Variants in SYNE3 observed in about 807,000 individuals in gnomAD.
The protein encoded by SYNE3 is spectrin repeat containing nuclear envelope family member 3, also known as nesprin-3.
Under a neutral mutation model 111.2 loss-of-function variants are expected in SYNE3, and 100 were observed. The ratio of observed to expected loss-of-function variants is 0.90; its 90% CI spans 0.77 to 1.06. SYNE3 has a LOEUF of 1.06. SYNE3 is among the 50% of genes least tolerant of loss of function. The pLI, the probability that SYNE3 is intolerant of heterozygous loss-of-function variation, is 0.00. For synonymous variants in SYNE3, 547 were observed against 533.9 expected (o/e 1.02, Z -0.34); for missense variants, 1,160 against 1,240.3 (o/e 0.94, Z 0.97).
intron 1 of SYNE3, among the ~76,000 whole-genome samples, chr14:95,480,307 G>T (rs1889154522): frequency 6.6e-6 from 1 of 152,226 alleles, no homozygotes; most frequent in South Asian, 2.1e-4. Flanking sequence ...GCTGGCGCTG[G>T]TGTATGGAGG....
rs1903429624 is a variant in SYNE3, at chr14:95,411,328, A to AG, written c.*6497_*6498insC. 1 of 151,706 alleles carries AG rather than the reference A, an allele frequency of 6.6e-6. No homozygotes were observed. Among genetic ancestry groups the AG allele is most frequent in the South Asian group, 2.1e-4 (1 of 4,808 alleles). 9.4% of individuals were successfully genotyped at this position (151,706 alleles called of 1,614,324 possible). A position where few individuals can be genotyped will look rare whatever the true frequency, so the allele number is the denominator to read the frequency against. On this transcript the variant is annotated 3_prime_UTR_variant, in exon 18 of 18. Coordinates refer to ENST00000682763, the MANE Select transcript of SYNE3 (RefSeq NM_152592.6). ...CTAATTTTAACATAAATTCAAAAAA[A>AG]AAAAAAGAAAAAAGAAAAGGAGACC... is the stretch of plus-strand genomic sequence containing the variant.
intron 1 of SYNE3, among the ~76,000 whole-genome samples, chr14:95,504,631 C>G (rs1300616389): frequency 1.3e-5 from 2 of 152,166 alleles, no homozygotes; most frequent in Non-Finnish European, 2.9e-5. Flanking sequence ...TGAATCATTG[C>G]TGGACTGGGT....
In SYNE3 at chr14:95,446,031, C is replaced by A. The variant is rs756356344; in HGVS notation, c.1510G>T (p.Asp504Tyr). Reference sequence around the variant, plus strand: ...TGGCCAAAGATGCCAATCAGGAGGTCTTTCTTCAGCTGCAGCATCGTCAGC... The same window carrying A: ...TGGCCAAAGATGCCAATCAGGAGGTATTTCTTCAGCTGCAGCATCGTCAGC... ...ELLTMLQLKK[D>Y]LLIGIFGQER... Residue 504 changes from aspartate (D) to tyrosine (Y), a missense_variant, in exon 9 of 18, where the codon GAC becomes TAC. Transcript: ENST00000682763. 1 of 1,614,148 alleles carries A rather than the reference C, an allele frequency of 6.2e-7. No individual in the cohort carries two copies. The highest frequency in any genetic ancestry group is 8.5e-7 in the Non-Finnish European group (1 of 1,180,028).
intron 1 of SYNE3, among the ~76,000 whole-genome samples, chr14:95,493,645 C>CAAAAT (rs1262949131): frequency 6.6e-6 from 1 of 152,264 alleles, no homozygotes; most frequent in Non-Finnish European, 1.5e-5. Context: ...ATGGGATGGG[C>CAAAAT]AAAATGCCTG....
At chr14:95,481,088 C>T (rs771776401) in intron 1 of SYNE3, among the ~76,000 whole-genome samples, 25 of 152,306 alleles carry the variant, frequency 1.6e-4, no homozygotes, top group Middle Eastern at 3.4e-3. Context: ...GTAATAGGTG[C>T]GTGGGGCACA....
intron 1 of SYNE3, among the ~76,000 whole-genome samples, chr14:95,481,433 G>C (rs963336344): frequency 6.6e-6 from 1 of 152,168 alleles, no homozygotes; most frequent in Non-Finnish European, 1.5e-5. Flanking sequence ...AGGAAGCCCA[G>C]AGATCAACCC....
chr14:95,460,372 T>G (rs1446906306), intron 4 of SYNE3, among the ~76,000 whole-genome samples: 1 of 134,810 alleles, frequency 7.4e-6, no homozygotes, highest in Non-Finnish European at 1.5e-5. Context: ...GCCTAGTTTT[T>G]TTTTTTTTTT....
In SYNE3 at chr14:95,467,208, T is replaced by C. The variant is rs549718667; in HGVS notation, c.317+587A>G. Reference sequence around the variant, plus strand: ...AAATGGAGATGATCCTGGCAGCTCTTGTTTACTGAGGGCCTACTTTGTACC... The same window carrying C: ...AAATGGAGATGATCCTGGCAGCTCTCGTTTACTGAGGGCCTACTTTGTACC... On this transcript the variant is annotated intron_variant, in intron 3 of 17. Coordinates refer to ENST00000682763, the MANE Select transcript of SYNE3 (RefSeq NM_152592.6). 5.3e-5 allele frequency among the ~76,000 whole-genome samples: 8 copies of C among 152,362 alleles called. No homozygotes were observed. In the South Asian group the frequency reaches 1.7e-3, roughly 32 times the overall value.
At position 95,465,971 on chromosome 14, in the gene SYNE3, C is replaced by A. The variant is rs770968513; in HGVS notation, c.587G>T (p.Arg196Ile). The change falls in exon 4 of 18, where the codon AGA becomes ATA. Residue 196 changes from arginine (R) to isoleucine (I), a missense_variant. Coordinates refer to ENST00000682763, the MANE Select transcript of SYNE3 (RefSeq NM_152592.6). ...DPSVDEDAQK[R>I]MKAEYDAVKA... ...CACTGCATCGTACTCAGCCTTCATT[C>A]TCTTCTGGGCATCTTCGTCCACGCT... 6.3e-7 allele frequency: 1 copy of A among 1,597,754 alleles called. No homozygotes were observed. Among genetic ancestry groups the A allele is most frequent in the Non-Finnish European group, 8.6e-7 (1 of 1,166,572 alleles).
Position 95,428,249 on chromosome 14 carries a change from G to A in SYNE3, c.2727+3830C>T, listed in dbSNP as rs569130871. Among the ~76,000 whole-genome samples the A allele has an allele frequency of 1.4e-4, 22 of 152,190 alleles. No homozygotes were observed. The South Asian group carries it at 2.3e-3, about 16-fold the overall frequency. On this transcript the variant is annotated intron_variant, in intron 17 of 17. Coordinates refer to ENST00000682763, the MANE Select transcript of SYNE3 (RefSeq NM_152592.6). ...CAGGCTGGAGCTCCCCAAGGTTGGC[G>A]GTCTCGGTTTACACAATCAGTGTGG...
intron 17 of SYNE3, among the ~76,000 whole-genome samples, chr14:95,429,155 G>C (rs1885602142): frequency 6.6e-6 from 1 of 152,226 alleles, no homozygotes; most frequent in African/African-American, 2.4e-5. Flanking sequence ...TTCCCCCTTG[G>C]ATGTGTCGTT....
intron 1 of SYNE3, among the ~76,000 whole-genome samples, chr14:95,495,918 G>A (rs1479484268): frequency 6.6e-6 from 1 of 152,192 alleles, no homozygotes; most frequent in Non-Finnish European, 1.5e-5. Flanking sequence ...ATGGCAGCTG[G>A]GCCTGCGAAG....
At chr14:95,494,973 G>C (rs988391657) in intron 1 of SYNE3, among the ~76,000 whole-genome samples, 1 of 152,134 alleles carries the variant, frequency 6.6e-6, no homozygotes, top group South Asian at 2.1e-4. Context: ...TCAGTTGGGC[G>C]TGGTGGCAGG....
Position 95,411,296 on chromosome 14 carries a change from G to T in SYNE3, c.*6530C>A, listed in dbSNP as rs1566949208. ...GAAGGAAAAATGATTTTTTGATTGGGAACATCCTAATTTTAACATAAATTC... is the reference window on the plus strand; with the variant it reads ...GAAGGAAAAATGATTTTTTGATTGGTAACATCCTAATTTTAACATAAATTC... On this transcript the variant is annotated 3_prime_UTR_variant, in exon 18 of 18. Transcript: ENST00000682763. 2 of 148,008 alleles carry T rather than the reference G, an allele frequency of 1.4e-5. No homozygotes were observed. Among genetic ancestry groups the T allele is most frequent in the African/African-American group, 5.0e-5 (2 of 39,976 alleles). 9.2% of individuals were successfully genotyped at this position (148,008 alleles called of 1,614,324 possible).
intron 15 of SYNE3, among the ~76,000 whole-genome samples, chr14:95,434,923 G>A (rs1886000353): frequency 6.6e-6 from 1 of 152,166 alleles, no homozygotes; most frequent in African/African-American, 2.4e-5. Flanking sequence ...CAAAGTGCGG[G>A]GATTACAGGC....
rs549403133 is a variant in SYNE3, at chr14:95,409,167, C to G, written c.*8659G>C. On this transcript the variant is annotated 3_prime_UTR_variant, in exon 18 of 18. Coordinates refer to ENST00000682763, the MANE Select transcript of SYNE3 (RefSeq NM_152592.6). ...ATTCCATAGAGTGGAGCACTGGGCT[C>G]GGAGCCAGTCATGCCTGGGTACAAG... The G allele has an allele frequency of 2.2e-6, 1 of 456,758 alleles. No homozygotes were observed. The allele number at this position is 456,758 out of a possible 1,614,324, so 28.3% of individuals were successfully genotyped here.
chr14:95,449,956 A>G lies in SYNE3; in HGVS notation c.1424T>C (p.Leu475Pro). Residue 475 changes from leucine (L) to proline (P), a missense_variant, in exon 8 of 18, where the codon CTT (leucine) becomes CCT (proline). By Grantham distance (98) the Leu-to-Pro change is moderately conservative (BLOSUM62 -3). Transcript: ENST00000682763. ...VTASLPDLPS[L>P]HTFLPQIEAA... ...CTCGATCTGGGGCAGGAAGGTGTGA[A>G]GGGAAGGCAGGTCCGGCAGGCTGGC... is the stretch of plus-strand genomic sequence containing the variant. 1.3e-6 allele frequency: 2 copies of G among 1,554,774 alleles called. No individual in the cohort carries two copies. The highest frequency in any genetic ancestry group is 8.7e-7 in the Non-Finnish European group (1 of 1,148,854).
At position 95,418,003 on chromosome 14, in the gene SYNE3, G is replaced by C; in HGVS notation, c.2751C>G (p.Gly917=). 1 of 1,611,420 alleles carries C rather than the reference G, an allele frequency of 6.2e-7. No homozygotes were observed. Among genetic ancestry groups the C allele is most frequent in the Non-Finnish European group, 8.5e-7 (1 of 1,179,798 alleles). ...CACAGCACGCCCTCCGGAAGAGGGA[G>C]CCCAGTCCTCGCCACCGCCGAGTCT... The part of the protein sequence containing the change: ...FQKTRRWRGL[G]SLFRRACCVA... The change falls in exon 18 of 18, where the codon GGC becomes GGG. Residue 917 remains glycine, a synonymous_variant. Transcript: ENST00000682763.
chr14:95,411,919 C>T lies in SYNE3; in HGVS notation c.*5907G>A, dbSNP rs1191643079. 1 of 152,386 alleles carries T rather than the reference C, an allele frequency of 6.6e-6. No individual in the cohort carries two copies. Among genetic ancestry groups the T allele is most frequent in the Non-Finnish European group, 1.5e-5 (1 of 68,164 alleles). 9.4% of individuals were successfully genotyped at this position (152,386 alleles called of 1,614,324 possible). ...AGTGGGCTTCTCAGTTTGGCATTTC[C>T]AACCACACATTTTTACCAGGAAGAC... On this transcript the variant is annotated 3_prime_UTR_variant, in exon 18 of 18. Transcript: ENST00000682763.
Sources: allele counts gnomAD v4.1 joint callset (sites outside exome capture counted in the v4.1 genomes callset), GRCh38; gene constraint gnomAD v4.1.1; transcripts MANE v1.5; gene names NCBI Gene and HGNC (gene_info 2026-07-23, HGNC 2026-07-21).